C1orf21: variants seen among roughly 807,000 people sequenced by gnomAD.
C1orf21 encodes the protein chromosome 1 open reading frame 21.
In C1orf21, 3 loss-of-function variants were observed where a neutral mutation model predicts 18.7. The observed-to-expected ratio is 0.16, with a 90% CI of 0.07 to 0.42. The LOEUF (loss-of-function observed/expected upper bound fraction) is 0.42, where lower values mean the gene tolerates loss of function less well. Among genes scored for constraint, C1orf21 ranks in the 10% least tolerant of loss-of-function variants. The probability of loss-of-function intolerance (pLI) is 0.99; values close to 1 mark genes in which losing one functional copy is unlikely to be tolerated. For missense variants in C1orf21, 104 were observed against 143.6 expected (o/e 0.72, Z 1.41); for synonymous variants, 41 against 46.4 (o/e 0.88, Z 0.47).
At chr1:184,429,942 A>G (rs142688257) in intron 1 of C1orf21, among the ~76,000 whole-genome samples, 1,539 of 152,012 alleles carry the variant, frequency 0.01, 29 homozygotes, top group African/African-American at 0.036. Context: ...CCCTGTCTCT[A>G]CTAAAAATAC....
chr1:184,473,228 C>T (rs773453434), intron 1 of C1orf21, among the ~76,000 whole-genome samples: 8 of 152,172 alleles, frequency 5.3e-5, no homozygotes, highest in Admixed American at 2.0e-4. Flanking sequence ...CATCAAATGT[C>T]AAAGGGATGC....
Position 184,507,628 on chromosome 1 carries a change from GA to G in C1orf21, c.140del (p.Asn47MetfsTer9). 1 of 1,606,568 alleles carries G rather than the reference GA, an allele frequency of 6.2e-7. No homozygotes were observed. Among genetic ancestry groups the G allele is most frequent in the Non-Finnish European group, 8.5e-7 (1 of 1,177,560 alleles). On this transcript the variant is annotated frameshift_variant, in exon 3 of 6. Coordinates refer to ENST00000235307, the MANE Select transcript of C1orf21 (RefSeq NM_030806.4). LOFTEE classifies it high-confidence loss of function. ...IKPVEEVKYMKNGAEEEQKIA... is the reference protein window; with the variant it reads ...IKPVEEVKYMXNGAEEEQKIA... ...AACCAGTGGAAGAGGTCAAATACAT[GA>G]AAAATGGGGCAGAAGAAGAGCAGAA...
At chr1:184,431,847 A>C (rs34282348) in intron 1 of C1orf21, among the ~76,000 whole-genome samples, 1 of 152,192 alleles carries the variant, frequency 6.6e-6, no homozygotes, top group East Asian at 1.9e-4. Context: ...AAACAACCTC[A>C]TCAAAAAGTG....
chr1:184,608,088 G>A (rs943399777), intron 5 of C1orf21, among the ~76,000 whole-genome samples: 2 of 152,084 alleles, frequency 1.3e-5, no homozygotes, highest in Non-Finnish European at 2.9e-5. Context: ...CATGAACATT[G>A]CTGTGCCCGG....
intron 1 of C1orf21, among the ~76,000 whole-genome samples, chr1:184,400,550 G>T (rs1032032811): frequency 8.5e-5 from 13 of 152,258 alleles, no homozygotes; most frequent in Middle Eastern, 3.4e-3. Flanking sequence ...AGATCACTCT[G>T]TACCATGGGT....
intron 5 of C1orf21, among the ~76,000 whole-genome samples, chr1:184,602,033 A>T (rs559535140): frequency 2.6e-5 from 4 of 152,334 alleles, no homozygotes; most frequent in African/African-American, 9.6e-5. Context: ...TAAACAGTCC[A>T]TTGCTTTGAC....
At position 184,627,966 on chromosome 1, in the gene C1orf21, C is replaced by T. The variant is rs989245773; in HGVS notation, c.*8410C>T. On this transcript the variant is annotated 3_prime_UTR_variant, in exon 6 of 6. Coordinates refer to ENST00000235307, the MANE Select transcript of C1orf21 (RefSeq NM_030806.4). ...ATGCCTCCATGCCAGTTGTTAATGG[C>T]TACATATTTGCCCTTCCCAAGGGTA... is the stretch of plus-strand genomic sequence containing the variant. The T allele has an allele frequency of 2.6e-5, 4 of 152,248 alleles. No homozygotes were observed. Among genetic ancestry groups the T allele is most frequent in the African/African-American group, 9.6e-5 (4 of 41,464 alleles). The allele number at this position is 152,248 out of a possible 1,614,324, so 9.4% of individuals were successfully genotyped here. A position where few individuals can be genotyped will look rare whatever the true frequency, so the allele number is the denominator to read the frequency against.
At chr1:184,546,610 T>C (rs1394357814) in intron 3 of C1orf21, among the ~76,000 whole-genome samples, 2 of 152,158 alleles carry the variant, frequency 1.3e-5, no homozygotes, top group African/African-American at 4.8e-5. Flanking sequence ...GACCACAGAC[T>C]CTGTTAAGTC....
At chr1:184,434,384 T>TTCAG (rs937033219) in intron 1 of C1orf21, among the ~76,000 whole-genome samples, 3 of 152,296 alleles carry the variant, frequency 2.0e-5, no homozygotes, top group East Asian at 1.9e-4. Flanking sequence ...AAGTCATTCA[T>TTCAG]TCAGTCAGTC....
At chr1:184,618,533 A>C (rs575869141) in intron 5 of C1orf21, among the ~76,000 whole-genome samples, 1 of 152,208 alleles carries the variant, frequency 6.6e-6, no homozygotes, top group African/African-American at 2.4e-5. Flanking sequence ...TAATGTGACC[A>C]AAAAACATGT....
At chr1:184,554,803 G>A (rs1049701993) in intron 3 of C1orf21, among the ~76,000 whole-genome samples, 1 of 152,142 alleles carries the variant, frequency 6.6e-6, no homozygotes, top group Admixed American at 6.5e-5. Context: ...CAACTTATTG[G>A]TATATGATAG....
chr1:184,569,975 C>A (rs1308214126), intron 3 of C1orf21, among the ~76,000 whole-genome samples: 1 of 152,124 alleles, frequency 6.6e-6, no homozygotes, highest in African/African-American at 2.4e-5. Context: ...CTGGTCTATC[C>A]AAATCATCCT....
In C1orf21 at chr1:184,413,274, GA is replaced by G. The variant is rs139836730; in HGVS notation, c.-125+25909del. Among the ~76,000 whole-genome samples the G allele has an allele frequency of 8.5e-3, 1,299 of 152,268 alleles. 50 individuals are homozygous for G. Among genetic ancestry groups the G allele is most frequent in the East Asian group, 0.069 (359 of 5,178 alleles). On this transcript the variant is annotated intron_variant, in intron 1 of 5. Coordinates refer to ENST00000235307, the MANE Select transcript of C1orf21 (RefSeq NM_030806.4). ...CATGTGTGACAAAATATATGTGGGAGAAATTCTTAAAATGCTAATATTTGTC... is the reference window on the plus strand; with the variant it reads ...CATGTGTGACAAAATATATGTGGGAGAATTCTTAAAATGCTAATATTTGTC...
At chr1:184,531,577 G>A (rs571989946) in intron 3 of C1orf21, among the ~76,000 whole-genome samples, 10 of 152,206 alleles carry the variant, frequency 6.6e-5, no homozygotes, top group Non-Finnish European at 1.0e-4. Flanking sequence ...TATTTAAGGC[G>A]GGCTATAATT....
intron 3 of C1orf21, among the ~76,000 whole-genome samples, chr1:184,513,622 A>G (rs1383138269): frequency 6.6e-6 from 1 of 152,252 alleles, no homozygotes; most frequent in African/African-American, 2.4e-5. Context: ...GAACACCTCT[A>G]TGCATTTGCT....
chr1:184,509,984 T>A (rs554398817), intron 3 of C1orf21, among the ~76,000 whole-genome samples: 1 of 152,270 alleles, frequency 6.6e-6, no homozygotes, highest in East Asian at 1.9e-4. Flanking sequence ...AGTCCTGTTG[T>A]GAGTACTGCG....
At chr1:184,550,004 A>C (rs1328930993) in intron 3 of C1orf21, among the ~76,000 whole-genome samples, 1 of 152,188 alleles carries the variant, frequency 6.6e-6, no homozygotes, top group Non-Finnish European at 1.5e-5. Context: ...ATCAGCACTT[A>C]ATTTTAAAAT....
intron 1 of C1orf21, among the ~76,000 whole-genome samples, chr1:184,405,832 G>A (rs113075781): frequency 6.6e-6 from 1 of 152,236 alleles, no homozygotes; most frequent in Non-Finnish European, 1.5e-5. Flanking sequence ...TTTTTCCAGG[G>A]ACTGAAGTGA....
intron 2 of C1orf21, among the ~76,000 whole-genome samples, chr1:184,484,327 T>G (rs1172646769): frequency 6.6e-6 from 1 of 152,190 alleles, no homozygotes; most frequent in Non-Finnish European, 1.5e-5. Context: ...CATGGTGACC[T>G]CTGCTTGGCA....
Sources: allele counts gnomAD v4.1 joint callset (sites outside exome capture counted in the v4.1 genomes callset), GRCh38; gene constraint gnomAD v4.1.1; transcripts MANE v1.5; gene names NCBI Gene and HGNC (gene_info 2026-07-23, HGNC 2026-07-21).